The following PRELID2 variants were observed in gnomAD, a reference collection of about 807,000 sequenced individuals.
PRELID2 encodes PRELI domain-containing protein 2.
PRELID2 carries 25 observed loss-of-function variants against 28.4 expected under a neutral mutation model. The ratio of observed to expected loss-of-function variants is 0.88; its 90% CI spans 0.64 to 1.23. The LOEUF (loss-of-function observed/expected upper bound fraction) is 1.23. PRELID2 is among the 50% of genes most tolerant of loss of function. PRELID2 has a pLI of 0.00. For synonymous variants in PRELID2, 76 were observed against 71.6 expected (o/e 1.06, Z -0.31); for missense variants, 201 against 214.4 (o/e 0.94, Z 0.39).
rs1324329878 is a variant in PRELID2, at chr5:145,787,778, T to G, written c.474+8664A>C. Among the ~76,000 whole-genome samples, 3 of 152,126 alleles carry G rather than the reference T, an allele frequency of 2.0e-5. No individual in the cohort carries two copies. The East Asian group carries it at 5.8e-4, about 29-fold the overall frequency. On this transcript the variant is annotated intron_variant, in intron 5 of 6. Transcript: ENST00000683046. ...CTGGTCTCAAACTCCTGAGCTCAAG[T>G]GATCCTCCCACTTCAGCGTCCCAAA...
At chr5:145,652,800 C>T (rs1414158352) in intron 1 of PRELID2, among the ~76,000 whole-genome samples, 1 of 152,168 alleles carries the variant, frequency 6.6e-6, no homozygotes, top group East Asian at 1.9e-4. Context: ...AAAAACATGC[C>T]AAAGTGTAAA....
intron 1 of PRELID2, among the ~76,000 whole-genome samples, chr5:145,745,307 A>C (rs1468799345): frequency 6.6e-6 from 1 of 152,148 alleles, no homozygotes; most frequent in Non-Finnish European, 1.5e-5. Context: ...TATCCAGGAG[A>C]CCTTCCCCAA....
At chr5:145,806,789 A>G (rs1054903328) in intron 4 of PRELID2, among the ~76,000 whole-genome samples, 1 of 152,080 alleles carries the variant, frequency 6.6e-6, no homozygotes, top group African/African-American at 2.4e-5. Context: ...GATGGTTTTA[A>G]AAGTGGCAGT....
At chr5:145,547,941 T>C (rs550185069) in intron 1 of PRELID2, among the ~76,000 whole-genome samples, 1 of 152,206 alleles carries the variant, frequency 6.6e-6, no homozygotes, top group Non-Finnish European at 1.5e-5. Context: ...ACTCTTATAA[T>C]GATCAGTGCA....
At chr5:145,580,007 TAACTTTCCAA>T (rs1168265833) in intron 1 of PRELID2, among the ~76,000 whole-genome samples, 2 of 152,048 alleles carry the variant, frequency 1.3e-5, no homozygotes, top group Non-Finnish European at 2.9e-5. Flanking sequence ...TAAGACCAAA[TAACTTTCCAA>T]ATAAGATTCT....
chr5:145,511,313 C>T lies in PRELID2; in HGVS notation n.71-37998G>A, dbSNP rs554650640. 1.4e-4 allele frequency among the ~76,000 whole-genome samples: 22 copies of T among 152,332 alleles called. No individual in the cohort carries two copies. In the East Asian group the frequency reaches 3.5e-3, roughly 24 times the overall value. On this transcript the variant is annotated intron_variant and non_coding_transcript_variant, in intron 1 of 2. Coordinates refer to the PRELID2 transcript ENST00000510259. ...AATTAAAAAATAGTACCGTTATATA[C>T]TTATTACGTGTCTAGCATTATCTCT...
chr5:145,237,371 C>T, the PRELID2 span, among the ~76,000 whole-genome samples: 17 of 152,044 alleles, frequency 1.1e-4, no homozygotes, highest in Non-Finnish European at 5.9e-5. Flanking sequence ...AAACAAAAAC[C>T]TCAGGGTGGG....
the PRELID2 span, among the ~76,000 whole-genome samples, chr5:145,434,358 G>T: frequency 6.6e-6 from 1 of 152,168 alleles, no homozygotes; most frequent in Non-Finnish European, 1.5e-5. Flanking sequence ...GACAAATGAA[G>T]TCAACTCTAG....
chr5:145,817,421 TTATATA>T (rs6149278), intron 4 of PRELID2, among the ~76,000 whole-genome samples: 10 of 103,606 alleles, frequency 9.7e-5, no homozygotes, highest in South Asian at 3.1e-4. Context: ...TAAGCTAGTT[TTATATA>T]TATATATATA....
the PRELID2 span, among the ~76,000 whole-genome samples, chr5:145,328,220 T>A: frequency 6.6e-6 from 1 of 152,218 alleles, no homozygotes; most frequent in Non-Finnish European, 1.5e-5. Flanking sequence ...GCTTTTGCTA[T>A]TGTGAATAGT....
chr5:145,298,501 A>T, the PRELID2 span, among the ~76,000 whole-genome samples: 2 of 152,186 alleles, frequency 1.3e-5, no homozygotes, highest in Non-Finnish European at 2.9e-5. Flanking sequence ...ACATTGTAGC[A>T]GTTTTAAGAG....
At chr5:145,415,860 A>G in the PRELID2 span, among the ~76,000 whole-genome samples, 2 of 151,762 alleles carry the variant, frequency 1.3e-5, no homozygotes, top group African/African-American at 4.8e-5. Context: ...CGCCACACTG[A>G]CTTCCACAAT....
intron 1 of PRELID2, among the ~76,000 whole-genome samples, chr5:145,690,007 T>G (rs1184801086): frequency 1.5e-4 from 22 of 145,908 alleles, no homozygotes; most frequent in African/African-American, 5.3e-4. Flanking sequence ...TTTTTTTTTT[T>G]GAGACAAAGT....
At chr5:145,346,670 A>C in the PRELID2 span, among the ~76,000 whole-genome samples, 2 of 152,142 alleles carry the variant, frequency 1.3e-5, no homozygotes, top group African/African-American at 2.4e-5. Flanking sequence ...GTCAGAGTAA[A>C]TTATTGACAA....
At chr5:145,414,605 A>G in the PRELID2 span, among the ~76,000 whole-genome samples, 1 of 152,240 alleles carries the variant, frequency 6.6e-6, no homozygotes, top group Non-Finnish European at 1.5e-5. Flanking sequence ...GATATATAGT[A>G]GGCCTTCAAT....
chr5:145,520,444 G>A (rs187761831), intron 1 of PRELID2, among the ~76,000 whole-genome samples: 154 of 152,116 alleles, frequency 1.0e-3, no homozygotes, highest in Admixed American at 2.9e-3. Context: ...CCCTTCCCAC[G>A]CTGAACCACA....
the PRELID2 span, among the ~76,000 whole-genome samples, chr5:145,384,380 T>C: frequency 6.6e-6 from 1 of 152,206 alleles, no homozygotes; most frequent in African/African-American, 2.4e-5. Context: ...GGAGAATGGA[T>C]ACAAACTCTA....
intron 1 of PRELID2, among the ~76,000 whole-genome samples, chr5:145,579,429 T>G (rs1580983311): frequency 6.6e-6 from 1 of 152,264 alleles, no homozygotes; most frequent in Middle Eastern, 3.4e-3. Flanking sequence ...TTCATCAGTT[T>G]TATTGCCCTT....
the PRELID2 span, among the ~76,000 whole-genome samples, chr5:145,359,256 G>GTC: frequency 1.8e-4 from 28 of 152,148 alleles, no homozygotes; most frequent in Non-Finnish European, 1.5e-5. Flanking sequence ...CAATACTCTG[G>GTC]ATAGTATATT....
Sources: allele counts gnomAD v4.1 joint callset (sites outside exome capture counted in the v4.1 genomes callset), GRCh38; gene constraint gnomAD v4.1.1; transcripts MANE v1.5; gene names NCBI Gene and HGNC (gene_info 2026-07-23, HGNC 2026-07-21).